Variants in DAB1 observed in about 807,000 individuals in gnomAD.
DAB1 encodes DAB adaptor protein 1.
Under a neutral mutation model 64.6 loss-of-function variants are expected in DAB1, and 15 were observed. The ratio of observed to expected loss-of-function variants is 0.23; its 90% CI spans 0.16 to 0.36. The LOEUF (loss-of-function observed/expected upper bound fraction) is 0.36. Among genes scored for constraint, DAB1 ranks in the 10% least tolerant of loss-of-function variants. DAB1 has a pLI of 1.00. For synonymous variants in DAB1, 235 were observed against 251.9 expected, an observed-to-expected ratio of 0.93 and a Z score of 0.64; for missense variants, 596 against 706.7, an observed-to-expected ratio of 0.84 and a Z score of 1.78.
At chr1:58,415,167 A>T (rs1569745812) in intron 3 of DAB1, among the ~76,000 whole-genome samples, 1 of 152,094 alleles carries the variant, frequency 6.6e-6, no homozygotes, top group African/African-American at 2.4e-5. Context: ...CTCTCTCTGA[A>T]TGCATGCACC....
At chr1:58,418,621 C>T (rs1278995615) in intron 3 of DAB1, among the ~76,000 whole-genome samples, 1 of 152,036 alleles carries the variant, frequency 6.6e-6, no homozygotes, top group Non-Finnish European at 1.5e-5. Context: ...CCTACCAATA[C>T]AGGAAAAAAC....
At chr1:57,033,524 G>A (rs749296993) in intron 9 of DAB1, 31 of 1,612,648 alleles carry the variant, frequency 1.9e-5, no homozygotes, top group South Asian at 7.7e-5. Flanking sequence ...AATTCTTACC[G>A]GGGTGGCTGC....
At chr1:57,054,945 T>C (rs1468925457) in intron 9 of DAB1, among the ~76,000 whole-genome samples, 6 of 152,338 alleles carry the variant, frequency 3.9e-5, no homozygotes, top group African/African-American at 1.2e-4. Flanking sequence ...AGAGGAAGTA[T>C]GGACTCAGCA....
chr1:58,546,465 C>T (rs1481274275), intron 1 of DAB1, among the ~76,000 whole-genome samples: 1 of 151,880 alleles, frequency 6.6e-6, no homozygotes, highest in Non-Finnish European at 1.5e-5. Flanking sequence ...CCGGGCTCCC[C>T]CAGGACAGAT....
chr1:56,995,087 G>C lies in DAB1; in HGVS notation c.*3057C>G, dbSNP rs922726508. 4.6e-5 allele frequency: 7 copies of C among 152,132 alleles called. No individual in the cohort carries two copies. The highest frequency in any genetic ancestry group is 1.4e-4 in the African/African-American group (6 of 41,418). 9.4% of individuals were successfully genotyped at this position (152,132 alleles called of 1,614,324 possible). Reference sequence around the variant, plus strand: ...AAGGTGCCCAGTACATTACATGATGGGGTTTCAGGAGACACTGGGATGAGT... The same window carrying C: ...AAGGTGCCCAGTACATTACATGATGCGGTTTCAGGAGACACTGGGATGAGT... On this transcript the variant is annotated 3_prime_UTR_variant, in exon 15 of 15. Coordinates refer to ENST00000371236, the MANE Select transcript of DAB1 (RefSeq NM_001365792.1).
In DAB1 at chr1:58,382,649, C is replaced by G. The variant is rs116675936; in HGVS notation, n.258-39246G>C. 7.7e-3 allele frequency among the ~76,000 whole-genome samples: 1,165 copies of G among 152,258 alleles called. 17 individuals are homozygous for G. The highest frequency in any genetic ancestry group is 0.026 in the African/African-American group (1,096 of 41,566). ...AACTAAAAATGGGAAATCTTGAAAGCTTTTAAAACACAGTGTAAACTGCTA... is the reference window on the plus strand; with the variant it reads ...AACTAAAAATGGGAAATCTTGAAAGGTTTTAAAACACAGTGTAAACTGCTA... On this transcript the variant is annotated intron_variant and non_coding_transcript_variant, in intron 3 of 20. Transcript: ENST00000485760.
rs1274511485 is a variant in DAB1 at position 57,384,590 on chromosome 1, G to A, written c.-137+39340C>T. 2.0e-5 allele frequency among the ~76,000 whole-genome samples: 3 copies of A among 152,156 alleles called. 1 individual carries two copies. The South Asian group carries it at 6.2e-4, about 31-fold the overall frequency. On this transcript the variant is annotated intron_variant, in intron 1 of 14. Transcript: ENST00000371236. ...GTGAAATATGATTTAGCCTTTTAAA[G>A]GAAGGAAATTCTAACACATGCATGA... is the stretch of plus-strand genomic sequence containing the variant.
intron 2 of DAB1, among the ~76,000 whole-genome samples, chr1:58,523,674 C>T (rs576490948): frequency 8.0e-4 from 122 of 152,194 alleles, no homozygotes; most frequent in African/African-American, 2.6e-3. Context: ...CCAAGGAGGG[C>T]GGATCACGAG....
rs535185251 is a variant in DAB1, at chr1:57,982,891, T to G, written n.388-98729A>C. 8.5e-5 allele frequency among the ~76,000 whole-genome samples: 13 copies of G among 152,324 alleles called. No homozygotes were observed. The East Asian group carries it at 1.4e-3, about 16-fold the overall frequency. ...CTGAGTTCAACACTTTCACCAATAT[T>G]TTCTCATTTAATCTTCATGCTGGGC... On this transcript the variant is annotated intron_variant and non_coding_transcript_variant, in intron 5 of 20. Coordinates refer to the DAB1 transcript ENST00000485760.
chr1:57,990,783 T>C (rs1453451967), intron 5 of DAB1, among the ~76,000 whole-genome samples: 1 of 152,092 alleles, frequency 6.6e-6, no homozygotes, highest in Non-Finnish European at 1.5e-5. Flanking sequence ...GGTGGCAGAC[T>C]CTCTGTACTC....
intron 5 of DAB1, among the ~76,000 whole-genome samples, chr1:58,119,993 A>G (rs999829419): frequency 2.0e-5 from 3 of 152,126 alleles, no homozygotes; most frequent in Non-Finnish European, 4.4e-5. Context: ...AAATTTGGAA[A>G]AGTGGATATG....
chr1:57,775,303 A>G (rs1170027394), intron 6 of DAB1, among the ~76,000 whole-genome samples: 1 of 150,494 alleles, frequency 6.6e-6, no homozygotes, highest in Non-Finnish European at 1.5e-5. Flanking sequence ...TTTTTCTTTC[A>G]GTTAGAGTTT....
intron 2 of DAB1, among the ~76,000 whole-genome samples, chr1:57,251,618 C>T (rs1444108938): frequency 6.6e-6 from 1 of 152,130 alleles, no homozygotes; most frequent in Non-Finnish European, 1.5e-5. Context: ...ATAACTGCTG[C>T]CCCCTTGATT....
At chr1:57,149,281 A>G (rs955245323) in intron 2 of DAB1, among the ~76,000 whole-genome samples, 15 of 152,188 alleles carry the variant, frequency 9.9e-5, no homozygotes, top group Non-Finnish European at 1.9e-4. Context: ...TAATGCTGCT[A>G]TGAACATTTG....
intron 1 of DAB1, among the ~76,000 whole-genome samples, chr1:57,848,515 T>C (rs723714): frequency 0.072 from 10,996 of 152,276 alleles, 640 homozygotes; most frequent in Admixed American, 0.21. Context: ...CTTGGACATC[T>C]TGATGGATCA....
intron 4 of DAB1, among the ~76,000 whole-genome samples, chr1:58,250,598 G>A (rs933373050): frequency 2.0e-5 from 3 of 152,216 alleles, no homozygotes; most frequent in Non-Finnish European, 4.4e-5. Flanking sequence ...CACCTAGCGC[G>A]GAATGCTGCT....
At chr1:58,084,502 T>C (rs942613256) in intron 5 of DAB1, 2 of 181,450 alleles carry the variant, frequency 1.1e-5, no homozygotes, top group Middle Eastern at 5.3e-4. Context: ...TATAAAGAAA[T>C]GCTGCACATT....
chr1:57,999,425 A>G (rs1646474632), intron 5 of DAB1, among the ~76,000 whole-genome samples: 1 of 152,144 alleles, frequency 6.6e-6, no homozygotes, highest in Admixed American at 6.5e-5. Flanking sequence ...TTGTGTTTTA[A>G]CAAGCACTAC....
chr1:57,209,545 T>C (rs1665846432), intron 2 of DAB1, among the ~76,000 whole-genome samples: 1 of 152,232 alleles, frequency 6.6e-6, no homozygotes, highest in African/African-American at 2.4e-5. Context: ...GCTTCAATTC[T>C]ACTCCACACC....
Sources: allele counts gnomAD v4.1 joint callset (sites outside exome capture counted in the v4.1 genomes callset), GRCh38; gene constraint gnomAD v4.1.1; transcripts MANE v1.5; gene names NCBI Gene and HGNC (gene_info 2026-07-23, HGNC 2026-07-21).